The following RBFOX1 variants were observed in gnomAD, a reference collection of about 807,000 sequenced individuals.
RBFOX1 encodes the protein RNA binding protein fox-1 homolog 1.
RBFOX1 carries 8 observed loss-of-function variants against 57.7 expected under a neutral mutation model. The ratio of observed to expected loss-of-function variants is 0.14; its 90% CI spans 0.08 to 0.25. RBFOX1 has a LOEUF of 0.25. RBFOX1 is among the 10% of genes least tolerant of loss of function. The pLI is 1.00. For synonymous variants in RBFOX1, 326 were observed against 222.4 expected (o/e 1.47, Z -4.15); for missense variants, 611 against 548.5 (o/e 1.11, Z -1.14).
chr16:6,459,610 G>C (rs2094861376), intron 2 of RBFOX1, among the ~76,000 whole-genome samples: 1 of 151,894 alleles, frequency 6.6e-6, no homozygotes, highest in Admixed American at 6.6e-5. Flanking sequence ...GATTAATAAG[G>C]CATCCATATA....
intron 2 of RBFOX1, among the ~76,000 whole-genome samples, chr16:5,527,515 T>C (rs1172677178): frequency 6.6e-6 from 1 of 152,226 alleles, no homozygotes; most frequent in Non-Finnish European, 1.5e-5. Context: ...TTTTTTTATA[T>C]GAGCAAGAAG....
At chr16:5,762,266 A>C (rs1486286647) in intron 3 of RBFOX1, among the ~76,000 whole-genome samples, 7 of 152,132 alleles carry the variant, frequency 4.6e-5, no homozygotes, top group Non-Finnish European at 7.4e-5. Context: ...CACTTGGAAA[A>C]ATGTTCAGAC....
chr16:7,431,630 C>T (rs936452091), intron 4 of RBFOX1, among the ~76,000 whole-genome samples: 1 of 152,200 alleles, frequency 6.6e-6, no homozygotes, highest in African/African-American at 2.4e-5. Flanking sequence ...ATGCAACCGC[C>T]ATCACTGTCC....
At chr16:6,580,043 C>G (rs954214750) in intron 2 of RBFOX1, among the ~76,000 whole-genome samples, 2 of 152,134 alleles carry the variant, frequency 1.3e-5, no homozygotes, top group South Asian at 2.1e-4. Context: ...ACTGCAACTT[C>G]TGCCTCCCGG....
At chr16:7,560,687 C>T (rs927028117) in intron 5 of RBFOX1, among the ~76,000 whole-genome samples, 1 of 152,120 alleles carries the variant, frequency 6.6e-6, no homozygotes, top group Non-Finnish European at 1.5e-5. Flanking sequence ...GTGACTTTCT[C>T]AGTCACACAG....
rs558224946 is a variant in RBFOX1 at position 5,620,448 on chromosome 16, C to T, written c.318+21487C>T. On this transcript the variant is annotated intron_variant, in intron 3 of 19. Coordinates refer to the RBFOX1 transcript ENST00000641259. ...GGGCTGCCATCACAGATCACCCAGA[C>T]TGATCGCTTCAACCGGAGAAATGCA... Among the ~76,000 whole-genome samples, 6 of 152,314 alleles carry T rather than the reference C, an allele frequency of 3.9e-5. No homozygotes were observed. The South Asian group carries it at 1.0e-3, about 26-fold the overall frequency.
intron 11 of RBFOX1, among the ~76,000 whole-genome samples, chr16:7,645,817 A>G (rs910011513): frequency 3.3e-5 from 5 of 152,224 alleles, no homozygotes; most frequent in Admixed American, 6.5e-5. Flanking sequence ...ACAAGGGTCA[A>G]TCCCAAATGT....
chr16:5,911,833 T>A (rs1022835585), intron 4 of RBFOX1, among the ~76,000 whole-genome samples: 8 of 152,062 alleles, frequency 5.3e-5, no homozygotes, highest in African/African-American at 1.9e-4. Context: ...AGGCCACTCA[T>A]CTCAACCATG....
intron 3 of RBFOX1, among the ~76,000 whole-genome samples, chr16:6,794,889 G>A (rs1443033049): frequency 6.6e-6 from 1 of 152,070 alleles, no homozygotes; most frequent in Non-Finnish European, 1.5e-5. Context: ...TGGAGGGAAG[G>A]CCTCTGGATC....
intron 4 of RBFOX1, among the ~76,000 whole-genome samples, chr16:5,886,980 T>TCAGCCTCAGCACA (rs2057915272): frequency 6.6e-6 from 1 of 152,218 alleles, no homozygotes; most frequent in Non-Finnish European, 1.5e-5. Flanking sequence ...ATTGACATTC[T>TCAGCCTCAGCACA]GGGCCAGCCA....
At chr16:7,368,483 T>TA (rs1011336158) in intron 4 of RBFOX1, among the ~76,000 whole-genome samples, 17 of 150,826 alleles carry the variant, frequency 1.1e-4, no homozygotes, top group South Asian at 2.1e-4. Context: ...TAATTCACTT[T>TA]AAAAAAAAAT....
At chr16:6,842,701 T>C (rs989769085) in intron 3 of RBFOX1, among the ~76,000 whole-genome samples, 1 of 151,142 alleles carries the variant, frequency 6.6e-6, no homozygotes, top group Non-Finnish European at 1.5e-5. Context: ...ATGTGTAGAA[T>C]GTGCAGGTTT....
At chr16:7,209,329 C>G (rs1212029608) in intron 4 of RBFOX1, among the ~76,000 whole-genome samples, 2 of 152,104 alleles carry the variant, frequency 1.3e-5, no homozygotes, top group African/African-American at 4.8e-5. Flanking sequence ...GAGCGAAACT[C>G]TGTTTCAAAT....
chr16:5,398,819 G>C (rs1056609345), intron 1 of RBFOX1, among the ~76,000 whole-genome samples: 1 of 152,178 alleles, frequency 6.6e-6, no homozygotes, highest in African/African-American at 2.4e-5. Flanking sequence ...GCTCATTTCA[G>C]AGGAATTGAA....
chr16:6,557,166 T>TACATATATATACAC (rs2097116460), intron 2 of RBFOX1, among the ~76,000 whole-genome samples: 10 of 124,626 alleles, frequency 8.0e-5, no homozygotes, highest in African/African-American at 4.0e-4. Context: ...TATATACACA[T>TACATATATATACAC]ATATATATAT....
chr16:7,255,707 A>C (rs1476603309), intron 4 of RBFOX1, among the ~76,000 whole-genome samples: 1 of 152,232 alleles, frequency 6.6e-6, no homozygotes, highest in Non-Finnish European at 1.5e-5. Flanking sequence ...TAAATGCATG[A>C]AATGTTTGTT....
chr16:7,324,575 G>A (rs1356740869), intron 4 of RBFOX1, among the ~76,000 whole-genome samples: 1 of 152,212 alleles, frequency 6.6e-6, no homozygotes, highest in African/African-American at 2.4e-5. Flanking sequence ...CAGCAGAGAT[G>A]ATGTGCAGGG....
chr16:6,932,360 G>C (rs921909346), intron 3 of RBFOX1, among the ~76,000 whole-genome samples: 29 of 152,130 alleles, frequency 1.9e-4, no homozygotes, highest in Admixed American at 9.8e-4. Context: ...ACCTGCCTCA[G>C]GCTCCCTAAG....
At chr16:7,299,267 T>C (rs2095973042) in intron 4 of RBFOX1, among the ~76,000 whole-genome samples, 1 of 152,222 alleles carries the variant, frequency 6.6e-6, no homozygotes, top group Non-Finnish European at 1.5e-5. Flanking sequence ...GTCAGTCTTT[T>C]AGGCAAAAGA....
Sources: allele counts gnomAD v4.1 joint callset (sites outside exome capture counted in the v4.1 genomes callset), GRCh38; gene constraint gnomAD v4.1.1; transcripts MANE v1.5; gene names NCBI Gene and HGNC (gene_info 2026-07-23, HGNC 2026-07-21).